The following ERC1 variants were observed in gnomAD, a reference collection of about 807,000 sequenced individuals.
The protein encoded by ERC1 is RAB6 interacting protein 2.
In ERC1, 56 loss-of-function variants were observed where a neutral mutation model predicts 132.0. The observed-to-expected ratio is 0.42, with a 90% CI of 0.34 to 0.53. The LOEUF (loss-of-function observed/expected upper bound fraction) is 0.53, where lower values mean the gene tolerates loss of function less well. Ranked by LOEUF, ERC1 falls within the 20% of genes least tolerant of loss-of-function variation. The probability of loss-of-function intolerance (pLI) is 0.03; values close to 1 mark genes in which losing one functional copy is unlikely to be tolerated. For missense variants in ERC1, 1,202 were observed against 1,349.9 expected (o/e 0.89, Z 1.72); for synonymous variants, 478 against 476.1 (o/e 1.00, Z -0.05).
Position 1,492,064 on chromosome 12 carries a change from T to G in ERC1, c.*1834T>G. On this transcript the variant is annotated 3_prime_UTR_variant, in exon 19 of 19. Transcript: ENST00000360905. ...ACCAGCCCTTGACTGTCCCATTAACTGACATGGTCAGATTTCCAGCTCCCC... is the reference window on the plus strand; with the variant it reads ...ACCAGCCCTTGACTGTCCCATTAACGGACATGGTCAGATTTCCAGCTCCCC... 1 of 233,206 alleles carries G rather than the reference T, an allele frequency of 4.3e-6. No individual in the cohort carries two copies. The highest frequency in any genetic ancestry group is 6.0e-5 in the East Asian group (1 of 16,566). The allele number at this position is 233,206 out of a possible 1,614,324, so 14.4% of individuals were successfully genotyped here. A position where few individuals can be genotyped will look rare whatever the true frequency, so the allele number is the denominator to read the frequency against.
At position 1,244,603 on chromosome 12, in the gene ERC1, C is replaced by T. The variant is rs1333822695; in HGVS notation, c.2487+7699C>T. 6 of 447,336 alleles carry T rather than the reference C, an allele frequency of 1.3e-5. No homozygotes were observed. In the East Asian group the frequency reaches 3.6e-4, roughly 27 times the overall value. The allele number at this position is 447,336 out of a possible 1,614,324, so 27.7% of individuals were successfully genotyped here. ...GTGGTGTGATCTCAGCTCACTGCAG[C>T]CTCCTTCTACCGGATTCAAGTGATT... On this transcript the variant is annotated intron_variant, in intron 13 of 18. Coordinates refer to ENST00000360905, the MANE Select transcript of ERC1 (RefSeq NM_178040.4).
At chr12:1,106,601 G>A (rs928645372) in intron 4 of ERC1, among the ~76,000 whole-genome samples, 7 of 151,430 alleles carry the variant, frequency 4.6e-5, no homozygotes, top group Non-Finnish European at 1.0e-4. Flanking sequence ...GTGGATTCTG[G>A]GTTCTTTGTA....
At chr12:1,419,688 T>C (rs1414023356) in intron 17 of ERC1, among the ~76,000 whole-genome samples, 1 of 151,444 alleles carries the variant, frequency 6.6e-6, no homozygotes, top group Non-Finnish European at 1.5e-5. Flanking sequence ...GGATATAGAG[T>C]TTTAGTTTTG....
At chr12:1,150,758 A>G (rs534849831) in intron 8 of ERC1, among the ~76,000 whole-genome samples, 5 of 152,274 alleles carry the variant, frequency 3.3e-5, no homozygotes, top group African/African-American at 1.2e-4. Flanking sequence ...CCACCAAACA[A>G]CTGACTAGTA....
chr12:1,408,306 T>C, intron 17 of ERC1, 59 bp downstream of exon 17: 1 of 1,272,006 alleles, frequency 7.9e-7, no homozygotes, highest in Non-Finnish European at 1.1e-6. Flanking sequence ...TTGAAATGTT[T>C]TTGTACTAGC....
chr12:1,248,240 A>G (rs1288925528), intron 13 of ERC1, among the ~76,000 whole-genome samples: 2 of 152,206 alleles, frequency 1.3e-5, no homozygotes, highest in Non-Finnish European at 1.5e-5. Flanking sequence ...TCTAAGTGTC[A>G]GGCACTGTTG....
intron 18 of ERC1, among the ~76,000 whole-genome samples, chr12:1,485,141 A>G (rs1451144643): frequency 6.6e-6 from 1 of 150,982 alleles, no homozygotes; most frequent in East Asian, 1.9e-4. Flanking sequence ...TGCCTGCCTC[A>G]GCCTCCCAAA....
chr12:1,125,367 A>G (rs1193981222), intron 7 of ERC1, among the ~76,000 whole-genome samples: 1 of 152,174 alleles, frequency 6.6e-6, no homozygotes, highest in African/African-American at 2.4e-5. Flanking sequence ...ACTCCCCAAG[A>G]AAAAACAAGA....
intron 15 of ERC1, among the ~76,000 whole-genome samples, chr12:1,302,818 C>T (rs1424094342): frequency 3.3e-5 from 5 of 151,902 alleles, no homozygotes; most frequent in East Asian, 3.9e-4. Flanking sequence ...AAATAAATAG[C>T]GGGGCATGGT....
intron 12 of ERC1, among the ~76,000 whole-genome samples, chr12:1,225,449 T>TA (rs139203394): frequency 0.11 from 15,010 of 131,776 alleles, 984 homozygotes; most frequent in Non-Finnish European, 0.14. Context: ...GGCTGTCTCT[T>TA]ACACACACAC....
chr12:1,409,999 A>G (rs948573959), intron 17 of ERC1, among the ~76,000 whole-genome samples: 3 of 152,122 alleles, frequency 2.0e-5, no homozygotes, highest in African/African-American at 4.8e-5. Flanking sequence ...ATGAGCCACC[A>G]TACCTGGCCC....
intron 15 of ERC1, among the ~76,000 whole-genome samples, chr12:1,336,389 GAT>G (rs2083315010): frequency 6.6e-6 from 1 of 152,084 alleles, no homozygotes; most frequent in African/African-American, 2.4e-5. Context: ...GACATTTAAT[GAT>G]ATGAACGTCC....
intron 15 of ERC1, among the ~76,000 whole-genome samples, chr12:1,344,363 AG>A (rs986469074): frequency 3.9e-5 from 6 of 152,064 alleles, no homozygotes; most frequent in African/African-American, 1.4e-4. Context: ...AGTGGGAGAA[AG>A]GGGGGAAAGA....
In ERC1 at chr12:1,327,769, A is replaced by G. The variant is rs146065132; in HGVS notation, c.2780+37757A>G. ...TCTCTGTTCCCAACTTTGGGCCCCTATCAACTGCCAACTGCACCTGACAGC... is the reference window on the plus strand; with the variant it reads ...TCTCTGTTCCCAACTTTGGGCCCCTGTCAACTGCCAACTGCACCTGACAGC... On this transcript the variant is annotated intron_variant, in intron 15 of 18. Coordinates refer to ENST00000360905, the MANE Select transcript of ERC1 (RefSeq NM_178040.4). 3.3e-5 allele frequency among the ~76,000 whole-genome samples: 5 copies of G among 152,286 alleles called. No individual in the cohort carries two copies. In the East Asian group the frequency reaches 5.8e-4, roughly 18 times the overall value.
intron 12 of ERC1, among the ~76,000 whole-genome samples, chr12:1,221,079 C>T (rs1199078484): frequency 1.3e-5 from 2 of 152,186 alleles, no homozygotes; most frequent in Non-Finnish European, 2.9e-5. Context: ...CACTGTCTGA[C>T]ATACCATGTA....
chr12:1,129,038 A>T (rs1169109338), intron 7 of ERC1, among the ~76,000 whole-genome samples: 1 of 152,228 alleles, frequency 6.6e-6, no homozygotes, highest in East Asian at 1.9e-4. Flanking sequence ...AGAGAATGGG[A>T]GGCAATCTTA....
intron 12 of ERC1, among the ~76,000 whole-genome samples, chr12:1,213,592 C>A (rs1380726561): frequency 6.6e-6 from 1 of 151,836 alleles, no homozygotes; most frequent in African/African-American, 2.4e-5. Context: ...CAGAAACTGC[C>A]TGGTTGTGGT....
intron 1 of ERC1, among the ~76,000 whole-genome samples, chr12:994,683 A>C (rs997899870): frequency 6.6e-6 from 1 of 152,238 alleles, no homozygotes; most frequent in African/African-American, 2.4e-5. Flanking sequence ...TATTAAATAC[A>C]TATTATGTAC....
At position 1,221,165 on chromosome 12, in the gene ERC1, G is replaced by A. The variant is rs529523116; in HGVS notation, c.2352-15604G>A. Among the ~76,000 whole-genome samples, 30 of 152,082 alleles carry A rather than the reference G, an allele frequency of 2.0e-4. No individual in the cohort carries two copies. In the South Asian group the frequency reaches 2.1e-3, roughly 11 times the overall value. Reference sequence around the variant, plus strand: ...TGAGATTTTTGTCCGTTTTGTTCACGGCCATATTTTCGAAGATAGCACCTG... The same window carrying A: ...TGAGATTTTTGTCCGTTTTGTTCACAGCCATATTTTCGAAGATAGCACCTG... On this transcript the variant is annotated intron_variant, in intron 12 of 18. Transcript: ENST00000360905.
Sources: allele counts gnomAD v4.1 joint callset (sites outside exome capture counted in the v4.1 genomes callset), GRCh38; gene constraint gnomAD v4.1.1; transcripts MANE v1.5; gene names NCBI Gene and HGNC (gene_info 2026-07-23, HGNC 2026-07-21).